TF: variants seen among roughly 807,000 people sequenced by gnomAD.
TF encodes the protein transferrin, also known as serotransferrin.
In TF, 55 loss-of-function variants were observed where a neutral mutation model predicts 82.4. That is an observed-to-expected ratio of 0.67 (90% CI 0.54 to 0.84). TF has a LOEUF of 0.84. TF is among the 40% of genes least tolerant of loss of function. The probability of loss-of-function intolerance (pLI) is 0.00; values close to 1 mark genes in which losing one functional copy is unlikely to be tolerated. For missense variants in TF, 737 were observed against 868.4 expected (o/e 0.85, Z 1.90); for synonymous variants, 332 against 332.6 (o/e 1.00, Z 0.02).
the TF span, chr3:133,692,749 C>T: frequency 6.6e-6 from 1 of 152,306 alleles, no homozygotes; most frequent in African/African-American, 2.4e-5. Context: ...TCCTTTGGCC[C>T]TTATTCCTCT....
upstream of TF, among the ~76,000 whole-genome samples, chr3:133,744,605 A>G (rs1933455004): frequency 6.6e-6 from 1 of 152,198 alleles, no homozygotes; most frequent in African/African-American, 2.4e-5. Flanking sequence ...CTCAAGCACA[A>G]GGGGCCCGTG....
chr3:133,720,708 G>C, the TF span, among the ~76,000 whole-genome samples: 1 of 152,116 alleles, frequency 6.6e-6, no homozygotes, highest in Non-Finnish European at 1.5e-5. Context: ...GAATTTAGCA[G>C]TGAAGCCATT....
chr3:133,721,021 T>C, the TF span, among the ~76,000 whole-genome samples: 1 of 152,112 alleles, frequency 6.6e-6, no homozygotes, highest in Non-Finnish European at 1.5e-5. Context: ...CTCAATTTGG[T>C]TTACCTTTTC....
intron 12 of TF, among the ~76,000 whole-genome samples, chr3:133,767,282 CAG>C (rs1455613053): frequency 1.3e-5 from 2 of 152,200 alleles, no homozygotes; most frequent in Non-Finnish European, 2.9e-5. Flanking sequence ...CTCCTACAGA[CAG>C]ATGTTTTCCA....
At chr3:133,726,833 G>A in the TF span, among the ~76,000 whole-genome samples, 7 of 152,118 alleles carry the variant, frequency 4.6e-5, no homozygotes, top group Non-Finnish European at 7.4e-5. Context: ...CTCTGAATGC[G>A]TCCCAGAGAT....
chr3:133,735,033 G>C, the TF span, among the ~76,000 whole-genome samples: 1 of 152,050 alleles, frequency 6.6e-6, no homozygotes. Context: ...AGACAACAAG[G>C]GTAATTGCTA....
the TF span, among the ~76,000 whole-genome samples, chr3:133,730,871 A>G: frequency 6.6e-6 from 1 of 152,048 alleles, no homozygotes; most frequent in South Asian, 2.1e-4. Flanking sequence ...AGATTTGTTG[A>G]TCTGATTTTA....
intron 12 of TF, 52 bp from the exon 13 acceptor site, chr3:133,767,977 G>T (rs1356314218): frequency 1.2e-6 from 2 of 1,612,120 alleles, no homozygotes; most frequent in Non-Finnish European, 1.7e-6. Flanking sequence ...TTAAATAAAA[G>T]CTGCTTGCAT....
chr3:133,768,233 AGGTAAG>A, intron 13 of TF, 69 bp downstream of exon 13: 1 of 1,591,248 alleles, frequency 6.3e-7, no homozygotes, highest in Non-Finnish European at 8.6e-7. Context: ...TTAGGAACTA[AGGTAAG>A]ATTCTTAGGT....
intron 2 of TF, among the ~76,000 whole-genome samples, chr3:133,749,912 G>C (rs1559867585): frequency 1.3e-5 from 2 of 152,174 alleles, no homozygotes; most frequent in Non-Finnish European, 2.9e-5. Context: ...AGTCAGAGAA[G>C]TAAAAAGGTA....
chr3:133,770,697 A>C, intron 14 of TF, 125 bp downstream of exon 14: 1 of 1,099,850 alleles, frequency 9.1e-7, no homozygotes, highest in Non-Finnish European at 1.4e-6. Flanking sequence ...TCTGATTCTC[A>C]GTCTGTCTGC....
rs41298295 is a variant in TF, at chr3:133,748,522, G to C, written c.154G>C (p.Asp52His). ...RDHMKSVIPS[D>H]GPSVACVKKA... Reference sequence around the variant, plus strand: ...CCATATGAAAAGCGTCATTCCATCCGATGGTCCCAGTGTTGCTTGTGTGAA... The same window carrying C: ...CCATATGAAAAGCGTCATTCCATCCCATGGTCCCAGTGTTGCTTGTGTGAA... The change falls in exon 2 of 17, where the codon GAT becomes CAT. Residue 52 changes from aspartate to histidine, a missense_variant. Physicochemically the swap from Asp to His is moderately conservative, Grantham distance 81. Coordinates refer to ENST00000402696, the MANE Select transcript of TF (RefSeq NM_001063.4). 6.2e-7 allele frequency: 1 copy of C among 1,614,012 alleles called. No homozygotes were observed. Among genetic ancestry groups the C allele is most frequent in the Non-Finnish European group, 8.5e-7 (1 of 1,180,028 alleles).
the TF span, among the ~76,000 whole-genome samples, chr3:133,694,054 A>G: frequency 1.3e-5 from 2 of 152,162 alleles, no homozygotes; most frequent in African/African-American, 4.8e-5. Flanking sequence ...CACCTCCAGC[A>G]GGCTGCACTG....
At chr3:133,732,334 G>T in the TF span, among the ~76,000 whole-genome samples, 58,427 of 151,930 alleles carry the variant, frequency 0.38, 11,792 homozygotes, top group South Asian at 0.5. Flanking sequence ...TCTAGCTAAA[G>T]GTTTGTAAAT....
At chr3:133,713,201 A>T in the TF span, among the ~76,000 whole-genome samples, 1 of 152,254 alleles carries the variant, frequency 6.6e-6, no homozygotes, top group Non-Finnish European at 1.5e-5. Context: ...TTTTAAAAAT[A>T]GATATTCCTG....
chr3:133,756,883 CA>C lies in TF; in HGVS notation c.746del (p.Asn249ThrfsTer6). Reference protein sequence around the residue: ...RDQYELLCLDNTRKPVDEYKD... With the variant: ...RDQYELLCLDXTRKPVDEYKD... Reference sequence around the variant, plus strand: ...ACCAGTATGAGCTGCTTTGCCTGGACAACACCCGGAAGCCGGTAGATGAATA... The same window carrying C: ...ACCAGTATGAGCTGCTTTGCCTGGACACACCCGGAAGCCGGTAGATGAATA... On this transcript the variant is annotated frameshift_variant, in exon 7 of 17. Transcript: ENST00000402696. LOFTEE classifies it high-confidence loss of function. The C allele has an allele frequency of 6.2e-7, 1 of 1,614,220 alleles. No individual in the cohort carries two copies. Among genetic ancestry groups the C allele is most frequent in the East Asian group, 2.2e-5 (1 of 44,886 alleles).
At chr3:133,738,759 A>G in the TF span, among the ~76,000 whole-genome samples, 1 of 152,220 alleles carries the variant, frequency 6.6e-6, no homozygotes, top group Admixed American at 6.5e-5. Flanking sequence ...CTTACAAGGG[A>G]TGTGAAGGAC....
chr3:133,756,734 C>T (rs1933845156), intron 6 of TF, 97 bp from the exon 7 acceptor site: 4 of 1,499,848 alleles, frequency 2.7e-6, no homozygotes, highest in African/African-American at 1.4e-5. Context: ...CTCCAGACCT[C>T]TCAGCTCATA....
chr3:133,777,243 G>A lies in TF; in HGVS notation c.2062+5G>A. Reference sequence around the variant, plus strand: ...TGAGAAAATGCTCCACCTCATGTGAGTAGGAGGAACAGCATGGGGAAGTGG... The same window carrying A: ...TGAGAAAATGCTCCACCTCATGTGAATAGGAGGAACAGCATGGGGAAGTGG... On this transcript the variant is annotated splice_donor_5th_base_variant and intron_variant, in intron 16 of 16. Transcript: ENST00000402696. The A allele has an allele frequency of 1.9e-6, 3 of 1,611,132 alleles. No homozygotes were observed. Among genetic ancestry groups the A allele is most frequent in the Non-Finnish European group, 2.5e-6 (3 of 1,179,886 alleles).
Sources: allele counts gnomAD v4.1 joint callset (sites outside exome capture counted in the v4.1 genomes callset), GRCh38; gene constraint gnomAD v4.1.1; transcripts MANE v1.5; gene names NCBI Gene and HGNC (gene_info 2026-07-23, HGNC 2026-07-21).